TEAD4: variants seen among roughly 807,000 people sequenced by gnomAD.
TEAD4 encodes transcriptional enhancer factor TEF-3.
TEAD4 carries 36 observed loss-of-function variants against 52.4 expected under a neutral mutation model. The ratio of observed to expected loss-of-function variants is 0.69; its 90% CI spans 0.53 to 0.91. The LOEUF is 0.91. Among genes scored for constraint, TEAD4 ranks in the 40% least tolerant of loss-of-function variants. The pLI, the probability that TEAD4 is intolerant of heterozygous loss-of-function variation, is 0.00. For missense variants in TEAD4, 508 were observed against 583.9 expected, an observed-to-expected ratio of 0.87 and a Z score of 1.34; for synonymous variants, 220 against 231.0, an observed-to-expected ratio of 0.95 and a Z score of 0.43.
intron 3 of TEAD4, among the ~76,000 whole-genome samples, chr12:2,999,059 C>T (rs540299585): frequency 3.3e-5 from 5 of 152,180 alleles, no homozygotes; most frequent in East Asian, 1.9e-4. Context: ...CTGACCAGCC[C>T]GGCTGGGAGC....
chr12:2,995,211 A>T (rs1436212110), intron 3 of TEAD4, among the ~76,000 whole-genome samples: 2 of 151,984 alleles, frequency 1.3e-5, no homozygotes, highest in Non-Finnish European at 2.9e-5. Flanking sequence ...GTGAGCAGAG[A>T]TGGGAGTGGG....
chr12:2,985,569 G>A lies in TEAD4; in HGVS notation c.-29-9169G>A, dbSNP rs111792507. Among the ~76,000 whole-genome samples, 225 of 118,140 alleles carry A rather than the reference G, an allele frequency of 1.9e-3. 2 individuals carry two copies. The highest frequency in any genetic ancestry group is 8.5e-3 in the Middle Eastern group (1 of 118). The allele number at this position is 118,140 out of a possible 152,430, so 77.5% of individuals were successfully genotyped here. A position where few individuals can be genotyped will look rare whatever the true frequency, so the allele number is the denominator to read the frequency against. ...CCCCCAGGCTGGAGTGTAGTGGCAC[G>A]ATCTCGGCTCACTGCAACCTCCGCC... On this transcript the variant is annotated intron_variant, in intron 2 of 12. Coordinates refer to ENST00000359864, the MANE Select transcript of TEAD4 (RefSeq NM_003213.4).
intron 10 of TEAD4, among the ~76,000 whole-genome samples, chr12:3,025,789 G>A (rs57336697): frequency 0.17 from 25,456 of 151,962 alleles, 3,480 homozygotes; most frequent in African/African-American, 0.38. Context: ...CTCCTGCCTC[G>A]GCCTTCCAAA....
At chr12:2,995,734 G>A (rs976079888) in intron 3 of TEAD4, among the ~76,000 whole-genome samples, 6 of 152,182 alleles carry the variant, frequency 3.9e-5, no homozygotes, top group African/African-American at 1.4e-4. Context: ...TGGGCATGGT[G>A]GCTCACTCAA....
intron 3 of TEAD4, among the ~76,000 whole-genome samples, chr12:3,002,503 C>T (rs1458991356): frequency 6.6e-6 from 1 of 152,238 alleles, no homozygotes; most frequent in Non-Finnish European, 1.5e-5. Context: ...CGCATATCCT[C>T]ATCAGCGCTT....
intron 2 of TEAD4, among the ~76,000 whole-genome samples, chr12:2,979,573 A>G (rs1032441112): frequency 2.0e-5 from 3 of 152,222 alleles, no homozygotes; most frequent in Non-Finnish European, 2.9e-5. Flanking sequence ...TCCACAAATG[A>G]CTGTGAAGAT....
intron 2 of TEAD4, among the ~76,000 whole-genome samples, chr12:2,983,850 A>G (rs1463651751): frequency 1.3e-5 from 2 of 152,156 alleles, no homozygotes; most frequent in Non-Finnish European, 2.9e-5. Context: ...CGTGCTGAGG[A>G]CTTACAGAGG....
chr12:3,006,177 T>C (rs966214220), intron 3 of TEAD4, among the ~76,000 whole-genome samples: 6 of 152,308 alleles, frequency 3.9e-5, no homozygotes, highest in African/African-American at 9.6e-5. Flanking sequence ...ATCTGAAAAT[T>C]CAAAATCTGA....
At chr12:3,032,363 G>T (rs1421310630) in intron 10 of TEAD4, among the ~76,000 whole-genome samples, 1 of 152,110 alleles carries the variant, frequency 6.6e-6, no homozygotes, top group African/African-American at 2.4e-5. Flanking sequence ...CCAGGAGCTC[G>T]CACTCTGGAT....
intron 2 of TEAD4, among the ~76,000 whole-genome samples, chr12:2,972,076 G>A (rs979129499): frequency 6.6e-6 from 1 of 150,428 alleles, no homozygotes; most frequent in South Asian, 2.1e-4. Flanking sequence ...GCCTCCCAAA[G>A]TGCTGGGATT....
rs2098213661 is a variant in TEAD4, at chr12:2,959,753, AG to A, written c.-122-192del. The stretch of plus-strand genomic sequence containing the variant: ...CCGGTTGACTCACTCCTCCAGGAAT[AG>A]GGATCCCCGTGTTTTCCCGTCAGTC... On this transcript the variant is annotated intron_variant, in intron 1 of 12. Coordinates refer to ENST00000359864, the MANE Select transcript of TEAD4 (RefSeq NM_003213.4). The surrounding 1 kb of genome is among the most constrained non-coding windows in gnomAD (Gnocchi z 5.1). 6.6e-6 allele frequency: 1 copy of A among 150,944 alleles called. No homozygotes were observed. Among genetic ancestry groups the A allele is most frequent in the African/African-American group, 2.4e-5 (1 of 41,242 alleles). The allele number at this position is 150,944 out of a possible 1,614,324, so 9.4% of individuals were successfully genotyped here.
At chr12:2,974,003 GTTTTTTC>G (rs563524796) in intron 2 of TEAD4, among the ~76,000 whole-genome samples, 7 of 152,070 alleles carry the variant, frequency 4.6e-5, no homozygotes, top group African/African-American at 1.4e-4. Flanking sequence ...TCCAGCTATT[GTTTTTTC>G]TTTTTTCTTT....
At chr12:3,019,283 A>T in intron 8 of TEAD4, 113 bp downstream of exon 8, 3 of 1,205,080 alleles carry the variant, frequency 2.5e-6, no homozygotes, top group Non-Finnish European at 3.6e-6. Flanking sequence ...CTGCCCCGTC[A>T]TGCACACTGA....
At chr12:2,963,843 C>T (rs1462433869) in intron 2 of TEAD4, among the ~76,000 whole-genome samples, 1 of 152,142 alleles carries the variant, frequency 6.6e-6, no homozygotes, top group Non-Finnish European at 1.5e-5. Context: ...AGAGGATGGG[C>T]CAGGCTCCCT....
chr12:2,999,771 C>T lies in TEAD4; in HGVS notation c.226+4779C>T, dbSNP rs367544002. On this transcript the variant is annotated intron_variant, in intron 3 of 12. Coordinates refer to ENST00000359864, the MANE Select transcript of TEAD4 (RefSeq NM_003213.4). ...TAGCGTGCAGGTGGTGGGATTCGAA[C>T]AACTTCTCGCCCCCTTCTGCCTGCT... Among the ~76,000 whole-genome samples, 354 of 152,314 alleles carry T rather than the reference C, an allele frequency of 2.3e-3. 1 individual carries two copies. Among genetic ancestry groups the T allele is most frequent in the African/African-American group, 8.2e-3 (339 of 41,552 alleles).
chr12:2,989,215 T>G (rs1272300785), intron 2 of TEAD4, among the ~76,000 whole-genome samples: 1 of 152,096 alleles, frequency 6.6e-6, no homozygotes, highest in African/African-American at 2.4e-5. Context: ...GTGCTGAGAT[T>G]ATAGGTATGA....
At chr12:3,005,067 A>G (rs1341954940) in intron 3 of TEAD4, among the ~76,000 whole-genome samples, 2 of 152,234 alleles carry the variant, frequency 1.3e-5, no homozygotes, top group African/African-American at 4.8e-5. Context: ...GCACAACTTT[A>G]ACAAATACAA....
intron 2 of TEAD4, among the ~76,000 whole-genome samples, chr12:2,980,836 A>C (rs1460970822): frequency 6.6e-6 from 1 of 152,186 alleles, no homozygotes; most frequent in African/African-American, 2.4e-5. Context: ...CGAGGCGGGC[A>C]GATGTCTGAG....
At chr12:3,015,667 GTTTGTGT>G (rs2098263955) in intron 5 of TEAD4, among the ~76,000 whole-genome samples, 1 of 152,168 alleles carries the variant, frequency 6.6e-6, no homozygotes, top group African/African-American at 2.4e-5. Context: ...TCTGTTTTTA[GTTTGTGT>G]TTTAGAGACT....
Sources: gnomAD v4.1 joint callset for allele counts (sites outside exome capture counted in the v4.1 genomes callset) on GRCh38, gnomAD v4.1.1 for gene constraint, Gnocchi (gnomAD v3.1) non-coding constraint, MANE v1.5 for transcripts, NCBI Gene and HGNC (gene_info 2026-07-23, HGNC 2026-07-21) for gene names.